PDZD2: variants seen among roughly 807,000 people sequenced by gnomAD.
The protein encoded by PDZD2 is PDZ domain-containing protein 2.
In PDZD2, 90 loss-of-function variants were observed where a neutral mutation model predicts 220.7. The ratio of observed to expected loss-of-function variants is 0.41; its 90% CI spans 0.34 to 0.49. PDZD2 has a LOEUF of 0.49. Among genes scored for constraint, PDZD2 ranks in the 20% least tolerant of loss-of-function variants. PDZD2 has a pLI of 0.28. For synonymous variants in PDZD2, 1,375 were observed against 1,450.5 expected (o/e 0.95, Z 1.18); for missense variants, 3,174 against 3,608.5 (o/e 0.88, Z 3.08).
At chr5:31,938,873 G>T (rs946639097) in intron 2 of PDZD2, among the ~76,000 whole-genome samples, 1 of 152,154 alleles carries the variant, frequency 6.6e-6, no homozygotes, top group Non-Finnish European at 1.5e-5. Context: ...TGGTGACCTT[G>T]TTCATGTTTA....
chr5:31,861,397 C>T (rs1737695817), intron 2 of PDZD2, among the ~76,000 whole-genome samples: 1 of 152,206 alleles, frequency 6.6e-6, no homozygotes, highest in African/African-American at 2.4e-5. Context: ...ACCGTGGGCT[C>T]ACTCAGATTT....
At chr5:31,991,821 G>A (rs1397086036) in intron 3 of PDZD2, among the ~76,000 whole-genome samples, 1 of 152,166 alleles carries the variant, frequency 6.6e-6, no homozygotes, top group Non-Finnish European at 1.5e-5. Flanking sequence ...CAGTGGTCAG[G>A]AGTTCAAGAC....
intron 6 of PDZD2, among the ~76,000 whole-genome samples, chr5:32,017,178 T>G (rs1753850348): frequency 6.6e-6 from 1 of 152,226 alleles, no homozygotes; most frequent in South Asian, 2.1e-4. Context: ...GGCTCACACC[T>G]GTAACCCCAG....
chr5:31,762,585 GCTC>G (rs1751717222), intron 1 of PDZD2, among the ~76,000 whole-genome samples: 1 of 152,168 alleles, frequency 6.6e-6, no homozygotes, highest in South Asian at 2.1e-4. Flanking sequence ...ACCACTCCTG[GCTC>G]CTATGGGCAC....
At chr5:31,797,891 G>A (rs1168900372) in intron 1 of PDZD2, among the ~76,000 whole-genome samples, 1 of 152,170 alleles carries the variant, frequency 6.6e-6, no homozygotes, top group Non-Finnish European at 1.5e-5. Context: ...GGATGGCACG[G>A]TTTATATTGA....
At chr5:31,896,152 A>G (rs1175735617) in intron 2 of PDZD2, among the ~76,000 whole-genome samples, 1 of 152,010 alleles carries the variant, frequency 6.6e-6, no homozygotes, top group African/African-American at 2.4e-5. Flanking sequence ...GACACCTCCC[A>G]GGTATTGTGA....
At chr5:31,937,736 A>G (rs562420513) in intron 2 of PDZD2, among the ~76,000 whole-genome samples, 56 of 152,056 alleles carry the variant, frequency 3.7e-4, no homozygotes, top group African/African-American at 1.2e-3. Flanking sequence ...CGCCACCCCA[A>G]CTCTTGTCCT....
At chr5:31,897,107 C>CAT (rs920631359) in intron 2 of PDZD2, among the ~76,000 whole-genome samples, 1 of 151,300 alleles carries the variant, frequency 6.6e-6, no homozygotes, top group Non-Finnish European at 1.5e-5. Flanking sequence ...TGTGTCTATA[C>CAT]ATCACTCGTG....
intron 1 of PDZD2, among the ~76,000 whole-genome samples, chr5:31,643,100 G>T (rs78500304): frequency 5.0e-4 from 76 of 152,320 alleles, no homozygotes; most frequent in African/African-American, 1.8e-3. Flanking sequence ...AATCGAAAGA[G>T]GTACTAAGGT....
chr5:31,888,560 C>T (rs1184456304), intron 2 of PDZD2, among the ~76,000 whole-genome samples: 1 of 152,148 alleles, frequency 6.6e-6, no homozygotes, highest in African/African-American at 2.4e-5. Flanking sequence ...ATTTGTGAGG[C>T]AGTGGTGTCT....
At chr5:31,764,128 T>C (rs1706177582) in intron 1 of PDZD2, among the ~76,000 whole-genome samples, 1 of 152,180 alleles carries the variant, frequency 6.6e-6, no homozygotes, top group Admixed American at 6.5e-5. Context: ...TGAAACTTTT[T>C]ACACGCTTCC....
At chr5:32,012,910 T>G (rs1753442480) in intron 6 of PDZD2, among the ~76,000 whole-genome samples, 1 of 151,994 alleles carries the variant, frequency 6.6e-6, no homozygotes, top group African/African-American at 2.4e-5. Context: ...TAATTTAAAT[T>G]ATGCATAATT....
chr5:31,855,602 C>A (rs1376883551), intron 2 of PDZD2, among the ~76,000 whole-genome samples: 2 of 152,216 alleles, frequency 1.3e-5, no homozygotes, highest in Non-Finnish European at 2.9e-5. Context: ...TACTGTCCCC[C>A]ATCCCTCGCT....
chr5:32,027,975 C>G (rs958844185), intron 6 of PDZD2, among the ~76,000 whole-genome samples: 3 of 151,868 alleles, frequency 2.0e-5, no homozygotes, highest in Non-Finnish European at 4.4e-5. Flanking sequence ...GGACACTGAC[C>G]GGGGAATGAG....
chr5:31,880,803 T>C (rs1032171843), intron 2 of PDZD2, among the ~76,000 whole-genome samples: 2 of 130,926 alleles, frequency 1.5e-5, no homozygotes, highest in Admixed American at 7.7e-5. Flanking sequence ...TTTTTTTTTT[T>C]TTTTTTTTTT....
At chr5:31,684,563 GT>G (rs34643771) in intron 1 of PDZD2, among the ~76,000 whole-genome samples, 17,713 of 148,152 alleles carry the variant, frequency 0.12, 1,069 homozygotes, top group South Asian at 0.18. Context: ...AGCTAGAGCA[GT>G]TTTTTTTTTT....
intron 2 of PDZD2, among the ~76,000 whole-genome samples, chr5:31,860,065 CCCTA>C (rs1561517424): frequency 6.6e-6 from 1 of 152,106 alleles, no homozygotes; most frequent in East Asian, 1.9e-4. Context: ...AAGAGAAATC[CCCTA>C]CACTGAGGGG....
intron 2 of PDZD2, among the ~76,000 whole-genome samples, chr5:31,859,583 T>C (rs898070965): frequency 6.6e-6 from 1 of 152,028 alleles, no homozygotes; most frequent in African/African-American, 2.4e-5. Flanking sequence ...CAATTACAGC[T>C]ATCTTTGAAG....
chr5:31,900,872 A>G (rs1742034227), intron 2 of PDZD2, among the ~76,000 whole-genome samples: 1 of 152,046 alleles, frequency 6.6e-6, no homozygotes, highest in Non-Finnish European at 1.5e-5. Context: ...GGAGGAGGAA[A>G]ACCCCATCGA....
Sources: gnomAD v4.1 joint callset for allele counts (sites outside exome capture counted in the v4.1 genomes callset) on GRCh38, gnomAD v4.1.1 for gene constraint, MANE v1.5 for transcripts, NCBI Gene and HGNC (gene_info 2026-07-23, HGNC 2026-07-21) for gene names.